Variants in NEMF observed in about 807,000 individuals in gnomAD.
The protein encoded by NEMF is ribosome quality control complex subunit NEMF.
Under a neutral mutation model 162.2 loss-of-function variants are expected in NEMF, and 89 were observed. That is an observed-to-expected ratio of 0.55 (90% CI 0.46 to 0.65). The LOEUF (loss-of-function observed/expected upper bound fraction) is 0.65, where lower values mean the gene tolerates loss of function less well. Ranked by LOEUF, NEMF falls within the 30% of genes least tolerant of loss-of-function variation. NEMF has a pLI of 0.00. For missense variants in NEMF, 1,133 were observed against 1,261.9 expected (o/e 0.90, Z 1.55); for synonymous variants, 421 against 404.5 (o/e 1.04, Z -0.49).
At chr14:49,823,609 TA>T (rs1892195913) in intron 16 of NEMF, among the ~76,000 whole-genome samples, 1 of 152,054 alleles carries the variant, frequency 6.6e-6, no homozygotes, top group African/African-American at 2.4e-5. Flanking sequence ...AGGACTGGTC[TA>T]GGGGGTTCCA....
rs750242922 is a variant in NEMF, at chr14:49,784,706, T to C, written c.3161A>G (p.Asp1054Gly). The change falls in exon 33 of 33, where the codon GAT becomes GGT. Residue 1054 changes from aspartate to glycine, a missense_variant. By Grantham distance (94) the Asp-to-Gly change is moderately conservative. Coordinates refer to ENST00000298310, the MANE Select transcript of NEMF (RefSeq NM_004713.6). Reference sequence around the variant, plus strand: ...TTTGCCAGGAATGTTTCTTGATAAATCTGTGTCCTAAAAAAAGAAAATTGC... The same window carrying C: ...TTTGCCAGGAATGTTTCTTGATAAACCTGTGTCCTAAAAAAAGAAAATTGC... ...KDLFRSVKDT[D>G]LSRNIPGKVK... is the part of the protein sequence containing the mutation. The C allele has an allele frequency of 1.2e-6, 2 of 1,612,512 alleles. No homozygotes were observed. Among genetic ancestry groups the C allele is most frequent in the Admixed American group, 1.7e-5 (1 of 59,902 alleles).
At position 49,838,132 on chromosome 14, in the gene NEMF, T is replaced by C. The variant is rs1892998577; in HGVS notation, c.574+7A>G. On this transcript the variant is annotated splice_region_variant and intron_variant, in intron 6 of 32. Transcript: ENST00000298310. ...AACATTTCACTGCTATTTGCAGGAA[T>C]ACTCACGAAGTAATGGGTTAAGCAC... 4.4e-6 allele frequency: 7 copies of C among 1,603,500 alleles called. No individual in the cohort carries two copies. The highest frequency in any genetic ancestry group is 1.3e-5 in the African/African-American group (1 of 74,814).
At chr14:49,821,678 G>A (rs1892061838) in intron 16 of NEMF, among the ~76,000 whole-genome samples, 2 of 136,080 alleles carry the variant, frequency 1.5e-5, no homozygotes, top group Non-Finnish European at 3.3e-5. Flanking sequence ...CCGTCCGGGA[G>A]GGAGGTGGGG....
chr14:49,839,145 T>A (rs1236036461), intron 5 of NEMF, among the ~76,000 whole-genome samples: 1 of 151,706 alleles, frequency 6.6e-6, no homozygotes, highest in African/African-American at 2.4e-5. Flanking sequence ...TGGCGCAATC[T>A]CAGCTCACTG....
rs1890116547 is a variant in NEMF at position 49,785,321 on chromosome 14, C to CCTTTT, written c.2929-2_2929-1insAAAAG. 2 of 1,610,958 alleles carry CCTTTT rather than the reference C, an allele frequency of 1.2e-6. No individual in the cohort carries two copies. Among genetic ancestry groups the CCTTTT allele is most frequent in the Non-Finnish European group, 1.7e-6 (2 of 1,177,338 alleles). On this transcript the variant is annotated splice_acceptor_variant, in intron 29 of 32. Transcript: ENST00000298310. LOFTEE classifies it high-confidence loss of function. ...CTGTCAAAGAATCAAATAGGTTTTCCTAAAAAGGGAAAATAACAGTTACAA... is the reference window on the plus strand; with the variant it reads ...CTGTCAAAGAATCAAATAGGTTTTCCCTTTTTAAAAAGGGAAAATAACAGTTACAA...
At chr14:49,847,900 C>G (rs1420332113) in intron 3 of NEMF, among the ~76,000 whole-genome samples, 1 of 151,722 alleles carries the variant, frequency 6.6e-6, no homozygotes, top group African/African-American at 2.4e-5. Context: ...GGCGTGCTGG[C>G]GCATGCCTGT....
intron 4 of NEMF, 48 bp downstream of exon 4, chr14:49,846,092 T>A: frequency 6.4e-7 from 1 of 1,562,680 alleles, no homozygotes; most frequent in South Asian, 1.1e-5. Flanking sequence ...TATTACAAAA[T>A]GATTAATAAG....
At chr14:49,816,934 T>C (rs1249066443) in intron 16 of NEMF, among the ~76,000 whole-genome samples, 1 of 151,944 alleles carries the variant, frequency 6.6e-6, no homozygotes, top group Non-Finnish European at 1.5e-5. Context: ...AAGAAGGCAA[T>C]AATGAAGACA....
intron 4 of NEMF, chr14:49,844,737 G>GCGCACACACA (rs753967398): frequency 5.4e-5 from 9 of 166,738 alleles, no homozygotes; most frequent in African/African-American, 2.0e-4. Flanking sequence ...GCACGCGCGC[G>GCGCACACACA]CACACACACA....
chr14:49,798,691 A>G (rs1831204519), intron 25 of NEMF, among the ~76,000 whole-genome samples: 1 of 152,258 alleles, frequency 6.6e-6, no homozygotes, highest in African/African-American at 2.4e-5. Flanking sequence ...GGTGATCACG[A>G]GGTCAGAAGA....
At chr14:49,816,645 C>T (rs1016378997) in intron 16 of NEMF, among the ~76,000 whole-genome samples, 1 of 152,140 alleles carries the variant, frequency 6.6e-6, no homozygotes, top group Non-Finnish European at 1.5e-5. Context: ...ATAGAAAGAA[C>T]CTATGTTGAA....
chr14:49,823,481 C>T (rs1594774968), intron 16 of NEMF, among the ~76,000 whole-genome samples: 1 of 149,430 alleles, frequency 6.7e-6, no homozygotes. Context: ...AAATTAAAAA[C>T]ATGATAGGAA....
chr14:49,788,717 G>C (rs929286123), intron 28 of NEMF, among the ~76,000 whole-genome samples: 2 of 151,934 alleles, frequency 1.3e-5, no homozygotes, highest in Non-Finnish European at 2.9e-5. Flanking sequence ...ACCACACCCG[G>C]CTAATTTTTT....
At chr14:49,801,067 C>T (rs191535547) in intron 22 of NEMF, 57 of 199,086 alleles carry the variant, frequency 2.9e-4, no homozygotes, top group African/African-American at 1.0e-3. Flanking sequence ...TATTATATAA[C>T]GCCCACATAG....
chr14:49,827,545 T>G (rs904649183), intron 15 of NEMF, among the ~76,000 whole-genome samples: 5 of 151,446 alleles, frequency 3.3e-5, no homozygotes, highest in Non-Finnish European at 7.4e-5. Context: ...ACACCTGTAA[T>G]CCCAGCACTT....
intron 26 of NEMF, among the ~76,000 whole-genome samples, chr14:49,790,586 C>T (rs1237544564): frequency 6.6e-6 from 1 of 152,128 alleles, no homozygotes; most frequent in African/African-American, 2.4e-5. Context: ...GATACAGGTG[C>T]TCTGGAAAAC....
At chr14:49,789,890 T>G (rs1327641151) in intron 26 of NEMF, among the ~76,000 whole-genome samples, 1 of 152,170 alleles carries the variant, frequency 6.6e-6, no homozygotes. Context: ...TAATAGCAAG[T>G]CATCACATTT....
chr14:49,805,940 CTTTA>C lies in NEMF; in HGVS notation c.1857+77_1857+80del, dbSNP rs562848253. The C allele has an allele frequency of 3.6e-4, 293 of 818,834 alleles. 6 individuals are homozygous for C. The South Asian group carries it at 4.9e-3, about 14-fold the overall frequency. 50.7% of individuals were successfully genotyped at this position (818,834 alleles called of 1,614,324 possible). The stretch of plus-strand genomic sequence containing the variant: ...AGTTAGCTCTATTGAGCCTTGTCTG[CTTTA>C]TTTACTTCTATACTCTCAAAATTTG... On this transcript the variant is annotated intron_variant, in intron 19 of 32. Coordinates refer to ENST00000298310, the MANE Select transcript of NEMF (RefSeq NM_004713.6).
intron 16 of NEMF, chr14:49,820,364 CAG>C (rs1255209896): frequency 2.2e-5 from 10 of 453,266 alleles, no homozygotes; most frequent in Non-Finnish European, 3.5e-5. Context: ...GGTGCCATGA[CAG>C]AGTCATTCCT....
Sources: gnomAD v4.1 joint callset for allele counts (sites outside exome capture counted in the v4.1 genomes callset) on GRCh38, gnomAD v4.1.1 for gene constraint, MANE v1.5 for transcripts, NCBI Gene and HGNC (gene_info 2026-07-23, HGNC 2026-07-21) for gene names.